The following ARF4 variants were observed in gnomAD, a reference collection of about 807,000 sequenced individuals.
ARF4 encodes the protein ADP-ribosylation factor 4.
ARF4 carries 5 observed loss-of-function variants against 24.3 expected under a neutral mutation model. That is an observed-to-expected ratio of 0.21 (90% CI 0.11 to 0.43). The LOEUF (loss-of-function observed/expected upper bound fraction) is 0.43, where lower values mean the gene tolerates loss of function less well. Ranked by LOEUF, ARF4 falls within the 20% of genes least tolerant of loss-of-function variation. ARF4 has a pLI of 1.00. For missense variants in ARF4, 107 were observed against 213.0 expected, an observed-to-expected ratio of 0.50 and a Z score of 3.10; for synonymous variants, 62 against 73.5, an observed-to-expected ratio of 0.84 and a Z score of 0.80.
At chr3:57,584,549 T>C (rs2070014210) in intron 1 of ARF4, 85 bp from the exon 2 acceptor site, 2 of 1,238,404 alleles carry the variant, frequency 1.6e-6, no homozygotes, top group South Asian at 2.6e-5. Context: ...AGTTCAAAAC[T>C]AGAAGTTGAC....
chr3:57,596,988 G>A (rs1421394969), intron 1 of ARF4, 86 bp downstream of exon 1: 1 of 1,429,364 alleles, frequency 7.0e-7, no homozygotes, highest in East Asian at 2.4e-5. Flanking sequence ...ACAGCGGGCG[G>A]AGGAAAAAAA....
chr3:57,587,319 CAAAAAAAA>C (rs56787111), intron 1 of ARF4, among the ~76,000 whole-genome samples: 2 of 45,408 alleles, frequency 4.4e-5, no homozygotes, highest in Non-Finnish European at 9.4e-5. Context: ...AACTCAGTCT[CAAAAAAAA>C]AAAAAAAAAA....
chr3:57,593,935 A>C (rs1240949730), intron 1 of ARF4, among the ~76,000 whole-genome samples: 2 of 152,178 alleles, frequency 1.3e-5, no homozygotes, highest in African/African-American at 4.8e-5. Context: ...AGGAAAAAAA[A>C]CATAATTATT....
At chr3:57,591,383 A>T (rs1032011209) in intron 1 of ARF4, among the ~76,000 whole-genome samples, 3 of 151,930 alleles carry the variant, frequency 2.0e-5, no homozygotes, top group African/African-American at 7.2e-5. Context: ...TGAGGTGCTT[A>T]TGTGAATTTA....
chr3:57,581,471 A>G (rs2069969790), intron 3 of ARF4, among the ~76,000 whole-genome samples: 1 of 152,222 alleles, frequency 6.6e-6, no homozygotes, highest in Non-Finnish European at 1.5e-5. Flanking sequence ...TATTAGGCTT[A>G]AGGATTAGCA....
intron 5 of ARF4, among the ~76,000 whole-genome samples, chr3:57,573,406 ATTAATTTTTTT>A (rs2069863890): frequency 6.6e-6 from 1 of 152,166 alleles, no homozygotes; most frequent in South Asian, 2.1e-4. Flanking sequence ...GTTTACTTTT[ATTAATTTTTTT>A]GACCAGTTTA....
At chr3:57,580,742 T>G (rs533015229) in intron 3 of ARF4, among the ~76,000 whole-genome samples, 2 of 151,906 alleles carry the variant, frequency 1.3e-5, no homozygotes, top group East Asian at 3.9e-4. Flanking sequence ...GGGACCTAAT[T>G]TTATTTTGAC....
At chr3:57,580,774 C>CTT (rs113791293) in intron 3 of ARF4, among the ~76,000 whole-genome samples, 12 of 140,760 alleles carry the variant, frequency 8.5e-5, no homozygotes, top group East Asian at 4.1e-4. Flanking sequence ...CATTTTTATT[C>CTT]TTTTTTTTTT....
Position 57,597,062 on chromosome 3 carries a change from C to A in ARF4, c.67+12G>T, listed in dbSNP as rs1408778969. 3 of 1,613,648 alleles carry A rather than the reference C, an allele frequency of 1.9e-6. No homozygotes were observed. Among genetic ancestry groups the A allele is most frequent in the Non-Finnish European group, 2.5e-6 (3 of 1,179,572 alleles). ...TTCCCAGGTCCCGCCTGACTCGCAGCCCCTCACTCACCCATCAAAATGCGC... is the reference window on the plus strand; with the variant it reads ...TTCCCAGGTCCCGCCTGACTCGCAGACCCTCACTCACCCATCAAAATGCGC... On this transcript the variant is annotated intron_variant, in intron 1 of 5. Coordinates refer to ENST00000303436, the MANE Select transcript of ARF4 (RefSeq NM_001660.4).
intron 3 of ARF4, among the ~76,000 whole-genome samples, chr3:57,583,308 C>T (rs1409882819): frequency 6.6e-6 from 1 of 152,086 alleles, no homozygotes. Context: ...TATTCTGATT[C>T]AAGTCATCTA....
chr3:57,584,583 G>A (rs2070014581), intron 1 of ARF4, 119 bp from the exon 2 acceptor site: 2 of 830,808 alleles, frequency 2.4e-6, no homozygotes, highest in South Asian at 1.8e-5. Context: ...TTCTAAATGA[G>A]TTAGAAATGA....
In ARF4 at chr3:57,597,078, C is replaced by T. The variant is rs377540956; in HGVS notation, c.63G>A (p.Leu21=). The part of the protein sequence containing the change: ...RLFGKKQMRI[L]MVGLDAAGKT... ...GACTCGCAGCCCCTCACTCACCCATCAAAATGCGCATCTGCTTCTTGCCAA... is the reference window on the plus strand; with the variant it reads ...GACTCGCAGCCCCTCACTCACCCATTAAAATGCGCATCTGCTTCTTGCCAA... The change falls in exon 1 of 6, where the codon TTG becomes TTA. Residue 21 remains leucine, a synonymous_variant. Coordinates refer to ENST00000303436, the MANE Select transcript of ARF4 (RefSeq NM_001660.4). 3.1e-6 allele frequency: 5 copies of T among 1,614,046 alleles called. No individual in the cohort carries two copies. The African/African-American group carries it at 6.7e-5, about 22-fold the overall frequency.
In ARF4 at chr3:57,596,439, G is replaced by C. The variant is rs139389035; in HGVS notation, c.67+635C>G. Among the ~76,000 whole-genome samples, 280 of 152,214 alleles carry C rather than the reference G, an allele frequency of 1.8e-3. 1 individual carries two copies. The highest frequency in any genetic ancestry group is 6.4e-3 in the African/African-American group (264 of 41,538). ...GAAATAGAAGATAAGCTCAGTTTTC[G>C]GAGAATGAGATTAACAAGGAGCGAA... On this transcript the variant is annotated intron_variant, in intron 1 of 5. Coordinates refer to ENST00000303436, the MANE Select transcript of ARF4 (RefSeq NM_001660.4).
rs1384310519 is a variant in ARF4 at position 57,597,132 on chromosome 3, G to A, written c.9C>T (p.Leu3=). 3.7e-6 allele frequency: 6 copies of A among 1,613,984 alleles called. No homozygotes were observed. Among genetic ancestry groups the A allele is most frequent in the Non-Finnish European group, 5.1e-6 (6 of 1,179,956 alleles). MG[L]TISSLFSRLF... is the part of the protein sequence containing the mutation. ...GTCGGGAGAAGAGGGAGGAGATAGT[G>A]AGGCCCATGGCGGTAGTGGCACTTG... The change falls in exon 1 of 6, where the codon CTC becomes CTT. Residue 3 remains leucine, a synonymous_variant. Transcript: ENST00000303436.
intron 5 of ARF4, among the ~76,000 whole-genome samples, chr3:57,573,839 C>T (rs1292530731): frequency 1.3e-5 from 2 of 152,234 alleles, no homozygotes; most frequent in Non-Finnish European, 2.9e-5. Context: ...ACCTTCGCCT[C>T]CCAAAGTGCT....
At chr3:57,586,604 T>C (rs1216718153) in intron 1 of ARF4, among the ~76,000 whole-genome samples, 1 of 152,154 alleles carries the variant, frequency 6.6e-6, no homozygotes, top group Admixed American at 6.6e-5. Flanking sequence ...TCCCAACTAC[T>C]AGTCAGTGTG....
chr3:57,585,909 G>A (rs772966211), intron 1 of ARF4, among the ~76,000 whole-genome samples: 5 of 152,140 alleles, frequency 3.3e-5, no homozygotes, highest in African/African-American at 9.6e-5. Flanking sequence ...TGATCTGCCC[G>A]CCTCAGCCTC....
chr3:57,579,114 C>G (rs927349905), intron 3 of ARF4, among the ~76,000 whole-genome samples: 1 of 151,596 alleles, frequency 6.6e-6, no homozygotes, highest in African/African-American at 2.4e-5. Flanking sequence ...CTGGTGAAAC[C>G]CCATCTCTAC....
intron 1 of ARF4, among the ~76,000 whole-genome samples, chr3:57,588,641 G>A (rs1317788816): frequency 6.8e-6 from 1 of 147,204 alleles, no homozygotes; most frequent in African/African-American, 2.5e-5. Context: ...ATCACCTGAA[G>A]TCAGGAGTCA....
Sources: allele counts gnomAD v4.1 joint callset (sites outside exome capture counted in the v4.1 genomes callset), GRCh38; gene constraint gnomAD v4.1.1; transcripts MANE v1.5; gene names NCBI Gene and HGNC (gene_info 2026-07-23, HGNC 2026-07-21).